SHCBP1L: variants seen among roughly 807,000 people sequenced by gnomAD.
The protein encoded by SHCBP1L is testicular spindle-associated protein SHCBP1L.
Under a neutral mutation model 62.5 loss-of-function variants are expected in SHCBP1L, and 67 were observed. The observed-to-expected ratio is 1.07, with a 90% CI of 0.88 to 1.31. The LOEUF (loss-of-function observed/expected upper bound fraction) is 1.31, where lower values mean the gene tolerates loss of function less well. Ranked by LOEUF, SHCBP1L falls within the 40% of genes most tolerant of loss-of-function variation. SHCBP1L has a pLI of 0.00. For missense variants in SHCBP1L, 823 were observed against 809.8 expected (o/e 1.02, Z -0.20); for synonymous variants, 284 against 289.4 (o/e 0.98, Z 0.19).
chr1:182,929,441 A>G (rs1399583329), intron 6 of SHCBP1L, among the ~76,000 whole-genome samples: 1 of 152,174 alleles, frequency 6.6e-6, no homozygotes, highest in East Asian at 1.9e-4. Context: ...AGCAACTAAC[A>G]TAGTACCTGG....
chr1:182,917,021 C>T (rs951449489), intron 6 of SHCBP1L, among the ~76,000 whole-genome samples: 5 of 151,988 alleles, frequency 3.3e-5, no homozygotes, highest in Non-Finnish European at 5.9e-5. Context: ...CAAATCTTCA[C>T]GTGTACCCCC....
intron 9 of SHCBP1L, among the ~76,000 whole-genome samples, chr1:182,901,283 C>T: frequency 6.6e-6 from 1 of 152,020 alleles, no homozygotes; most frequent in Non-Finnish European, 1.5e-5. Context: ...CATGGAGAAA[C>T]CCCGTCTCTA....
rs1190493538 is a variant in SHCBP1L at position 182,940,384 on chromosome 1, C to T, written c.715G>A (p.Val239Ile). ...HSVPLLEVYP[V>I]EGQDTDIHVI... is the part of the protein sequence containing the mutation. ...TGTATATCAGTATCTTGTCCCTCAA[C>T]AGGATACACTTCCAAAAGAGGCACA... The change falls in exon 3 of 10, where the codon GTT becomes ATT. Residue 239 changes from valine (V) to isoleucine (I), a missense_variant. Coordinates refer to ENST00000367547, the MANE Select transcript of SHCBP1L (RefSeq NM_030933.4). 7 of 1,613,850 alleles carry T rather than the reference C, an allele frequency of 4.3e-6. No individual in the cohort carries two copies. The highest frequency in any genetic ancestry group is 5.1e-6 in the Non-Finnish European group (6 of 1,179,952).
chr1:182,953,090 C>T lies in SHCBP1L; in HGVS notation c.44G>A (p.Arg15His), dbSNP rs1276635544. The T allele has an allele frequency of 4.5e-6, 7 of 1,567,962 alleles. No individual in the cohort carries two copies. The East Asian group carries it at 6.9e-5, about 16-fold the overall frequency. ...SKASVPADSF[R>H]TISPDRRGEK... The stretch of plus-strand genomic sequence containing the variant: ...GCCTCGCCTGTCCGGGCTGATGGTG[C>T]GGAATGAGTCCGCGGGCACCGAGGC... The change falls in exon 1 of 10, where the codon CGC becomes CAC. Residue 15 changes from arginine (R) to histidine (H), a missense_variant. Transcript: ENST00000367547.
In SHCBP1L at chr1:182,942,300, T is replaced by C. The variant is rs1651393397; in HGVS notation, c.556-1757A>G. 6.4e-6 allele frequency: 6 copies of C among 942,584 alleles called. No individual in the cohort carries two copies. The Admixed American group carries it at 1.0e-4, about 16-fold the overall frequency. The allele number at this position is 942,584 out of a possible 1,614,324, so 58.4% of individuals were successfully genotyped here. On this transcript the variant is annotated intron_variant, in intron 2 of 9. Transcript: ENST00000367547. ...TCCTTCGCTGCTGCCTTTTTCGGCTTCGCTTCCACTGTTGCAGGAGGCTTA... is the reference window on the plus strand; with the variant it reads ...TCCTTCGCTGCTGCCTTTTTCGGCTCCGCTTCCACTGTTGCAGGAGGCTTA...
intron 1 of SHCBP1L, among the ~76,000 whole-genome samples, chr1:182,952,191 A>AATAT (rs869051143): frequency 5.9e-3 from 143 of 24,224 alleles, no homozygotes; most frequent in Non-Finnish European, 8.6e-3. Context: ...AAAAAAAAAA[A>AATAT]ATATATATAT....
intron 2 of SHCBP1L, among the ~76,000 whole-genome samples, chr1:182,943,274 G>T (rs1463292823): frequency 5.8e-4 from 66 of 114,506 alleles, no homozygotes; most frequent in Middle Eastern, 5.4e-3. Context: ...CACCATTCTT[G>T]ATTTTTTTTT....
At chr1:182,902,142 C>G (rs1458772722) in intron 9 of SHCBP1L, among the ~76,000 whole-genome samples, 1 of 147,908 alleles carries the variant, frequency 6.8e-6, no homozygotes, top group African/African-American at 2.5e-5. Context: ...GTCCACCTCT[C>G]GAGTTCAAGT....
rs143500381 is a variant in SHCBP1L, at chr1:182,926,346, G to C, written c.1182+3301C>G. ...TTGTACTTCGTATATTTTCAGACATGGTTATCACCTTCTGTAGCACTTCAG... is the reference window on the plus strand; with the variant it reads ...TTGTACTTCGTATATTTTCAGACATCGTTATCACCTTCTGTAGCACTTCAG... On this transcript the variant is annotated intron_variant, in intron 6 of 9. Transcript: ENST00000367547. Among the ~76,000 whole-genome samples, 21 of 152,250 alleles carry C rather than the reference G, an allele frequency of 1.4e-4. No homozygotes were observed. The East Asian group carries it at 4.0e-3, about 29-fold the overall frequency.
intron 6 of SHCBP1L, among the ~76,000 whole-genome samples, chr1:182,909,256 A>G (rs1457482215): frequency 6.6e-6 from 1 of 152,222 alleles, no homozygotes; most frequent in Non-Finnish European, 1.5e-5. Context: ...AGAGGTATCC[A>G]GCAGACTATG....
intron 2 of SHCBP1L, among the ~76,000 whole-genome samples, chr1:182,943,489 CCAGCTGGAGTG>C (rs1297684565): frequency 6.6e-6 from 1 of 150,584 alleles, no homozygotes; most frequent in Non-Finnish European, 1.5e-5. Context: ...CTCTGTTGCC[CCAGCTGGAGTG>C]CAGCGGTGCA....
At chr1:182,924,978 A>AAAGAAAGAAAGAAAGAAAG (rs1341515340) in intron 6 of SHCBP1L, among the ~76,000 whole-genome samples, 88 of 72,610 alleles carry the variant, frequency 1.2e-3, no homozygotes, top group African/African-American at 5.1e-3. Flanking sequence ...AAGAAAGAAA[A>AAAGAAAGAAAGAAAGAAAG]AAAAAGGAAG....
chr1:182,904,547 G>C (rs1649949864), intron 7 of SHCBP1L, 117 bp from the exon 8 acceptor site: 7 of 789,960 alleles, frequency 8.9e-6, no homozygotes, highest in Non-Finnish European at 1.4e-5. Context: ...GTGTGTGTGT[G>C]TGTGTGTGTG....
intron 6 of SHCBP1L, among the ~76,000 whole-genome samples, chr1:182,919,168 T>C (rs1243187387): frequency 5.9e-5 from 9 of 152,244 alleles, no homozygotes; most frequent in Admixed American, 5.9e-4. Context: ...TCTGTGCTGC[T>C]GTATAACAGA....
chr1:182,915,116 C>T (rs1351303502), intron 6 of SHCBP1L, among the ~76,000 whole-genome samples: 2 of 124,874 alleles, frequency 1.6e-5, no homozygotes, highest in African/African-American at 3.1e-5. Flanking sequence ...GAGCTGAGAT[C>T]GCACCATTGC....
At chr1:182,918,123 C>CAT (rs1450778879) in intron 6 of SHCBP1L, among the ~76,000 whole-genome samples, 1 of 142,752 alleles carries the variant, frequency 7.0e-6, no homozygotes, top group African/African-American at 2.6e-5. Flanking sequence ...CACATATATA[C>CAT]GTGTGTGTGT....
chr1:182,924,297 ATT>A (rs1216759641), intron 6 of SHCBP1L, among the ~76,000 whole-genome samples: 195 of 137,364 alleles, frequency 1.4e-3, no homozygotes, highest in African/African-American at 3.6e-3. Flanking sequence ...AGAAGAATCA[ATT>A]TTTTTTTTTT....
At chr1:182,902,990 A>G (rs1649889603) in intron 9 of SHCBP1L, 49 bp downstream of exon 9, 1 of 1,408,342 alleles carries the variant, frequency 7.1e-7, no homozygotes, top group South Asian at 1.6e-5. Flanking sequence ...AGTACTTATA[A>G]TTACTTACAA....
At chr1:182,905,292 A>C (rs1379087270) in intron 7 of SHCBP1L, among the ~76,000 whole-genome samples, 1 of 152,236 alleles carries the variant, frequency 6.6e-6, no homozygotes, top group African/African-American at 2.4e-5. Context: ...AAGATAGATA[A>C]GAAAAAAGTG....
Sources: gnomAD v4.1 joint callset for allele counts (sites outside exome capture counted in the v4.1 genomes callset) on GRCh38, gnomAD v4.1.1 for gene constraint, MANE v1.5 for transcripts, NCBI Gene and HGNC (gene_info 2026-07-23, HGNC 2026-07-21) for gene names.